Variants in CCSER1 observed in about 807,000 individuals in gnomAD.
CCSER1 encodes coiled-coil serine rich protein 1.
In CCSER1, 41 loss-of-function variants were observed where a neutral mutation model predicts 82.0. The observed-to-expected ratio is 0.50, with a 90% confidence interval of 0.39 to 0.65. The LOEUF (loss-of-function observed/expected upper bound fraction) is 0.65. Ranked by LOEUF, CCSER1 falls within the 30% of genes least tolerant of loss-of-function variation. CCSER1 has a pLI of 0.00. For missense variants in CCSER1, 1,119 were observed against 1,064.2 expected (o/e 1.05, Z -0.72); for synonymous variants, 414 against 383.9 (o/e 1.08, Z -0.92).
chr4:90,216,247 C>A (rs1740999667), intron 1 of CCSER1, among the ~76,000 whole-genome samples: 1 of 152,162 alleles, frequency 6.6e-6, no homozygotes, highest in African/African-American at 2.4e-5. Context: ...CTCTCTACTC[C>A]TGGGTGATTG....
At chr4:91,306,036 A>C (rs904257587) in intron 10 of CCSER1, among the ~76,000 whole-genome samples, 1 of 148,976 alleles carries the variant, frequency 6.7e-6, no homozygotes, top group African/African-American at 2.5e-5. Flanking sequence ...GGGTGGGGAC[A>C]CAACCAAACC....
intron 10 of CCSER1, among the ~76,000 whole-genome samples, chr4:91,180,266 C>A (rs1733870928): frequency 6.6e-6 from 1 of 152,196 alleles, no homozygotes. Context: ...CAGGGACTGA[C>A]TTGAGGAGGC....
At chr4:90,748,967 T>A (rs915750084) in intron 7 of CCSER1, among the ~76,000 whole-genome samples, 15 of 150,100 alleles carry the variant, frequency 1.0e-4, no homozygotes, top group African/African-American at 3.7e-4. Context: ...GTTGCGAAAA[T>A]TTTCTCCCAT....
At chr4:91,100,159 C>T (rs1339986202) in intron 10 of CCSER1, among the ~76,000 whole-genome samples, 1 of 151,236 alleles carries the variant, frequency 6.6e-6, no homozygotes, top group Non-Finnish European at 1.5e-5. Flanking sequence ...GCATGACTCC[C>T]CAGACCCTTT....
At chr4:90,954,844 T>C (rs1733268646) in intron 9 of CCSER1, among the ~76,000 whole-genome samples, 1 of 152,126 alleles carries the variant, frequency 6.6e-6, no homozygotes, top group Admixed American at 6.6e-5. Flanking sequence ...AAACAACTTC[T>C]CTAACTTCTC....
chr4:90,585,591 G>A (rs553128224), intron 5 of CCSER1, among the ~76,000 whole-genome samples: 7 of 152,188 alleles, frequency 4.6e-5, no homozygotes, highest in African/African-American at 1.7e-4. Flanking sequence ...CCTATAACTA[G>A]AATTTGTGAA....
At chr4:90,805,459 G>T (rs1157555281) in intron 7 of CCSER1, among the ~76,000 whole-genome samples, 1 of 152,170 alleles carries the variant, frequency 6.6e-6, no homozygotes, top group East Asian at 1.9e-4. Context: ...CTCAGAAGGA[G>T]CATTATAACT....
rs534336630 is a variant in CCSER1, at chr4:91,507,774, TTC to T, written c.2218-90796_2218-90795del. Reference sequence around the variant, plus strand: ...TTTTAATAAACTTCAATTTATTTTCTTCTTTTATCAAGGATGCTTTTGGTGTC... The same window carrying T: ...TTTTAATAAACTTCAATTTATTTTCTTTTTATCAAGGATGCTTTTGGTGTC... On this transcript the variant is annotated intron_variant, in intron 10 of 10. Transcript: ENST00000509176. Among the ~76,000 whole-genome samples, 17 of 152,046 alleles carry T rather than the reference TTC, an allele frequency of 1.1e-4. 1 individual carries two copies. The South Asian group carries it at 3.5e-3, about 32-fold the overall frequency.
intron 10 of CCSER1, among the ~76,000 whole-genome samples, chr4:91,173,370 G>A (rs780923799): frequency 5.2e-4 from 79 of 152,156 alleles, no homozygotes; most frequent in Non-Finnish European, 9.0e-4. Context: ...CCAGGTGTGC[G>A]GATCACGAGG....
chr4:90,132,242 T>C (rs1722938741), intron 1 of CCSER1, among the ~76,000 whole-genome samples: 1 of 152,366 alleles, frequency 6.6e-6, no homozygotes, highest in South Asian at 2.1e-4. Context: ...GGTTTTGGAC[T>C]ATATGTCACA....
chr4:90,734,374 C>A lies in CCSER1; in HGVS notation c.2010+10383C>A, dbSNP rs552980376. 5.3e-5 allele frequency among the ~76,000 whole-genome samples: 8 copies of A among 152,232 alleles called. No homozygotes were observed. The East Asian group carries it at 1.5e-3, about 29-fold the overall frequency. Reference sequence around the variant, plus strand: ...TCTCCTGACCTCGTGATCTGCCCGCCTTGGCCTCCCTAATCTGTAGATTTC... The same window carrying A: ...TCTCCTGACCTCGTGATCTGCCCGCATTGGCCTCCCTAATCTGTAGATTTC... On this transcript the variant is annotated intron_variant, in intron 7 of 10. Transcript: ENST00000509176.
chr4:90,399,469 A>T (rs957237547), intron 3 of CCSER1, among the ~76,000 whole-genome samples: 4 of 152,130 alleles, frequency 2.6e-5, no homozygotes, highest in African/African-American at 9.6e-5. Flanking sequence ...GGTCTAAATT[A>T]ATATTTCACA....
chr4:91,517,785 T>TGTG (rs202065729), intron 10 of CCSER1, among the ~76,000 whole-genome samples: 6 of 81,486 alleles, frequency 7.4e-5, no homozygotes, highest in Non-Finnish European at 8.7e-5. Flanking sequence ...TGTGTGTGTG[T>TGTG]TTAACTTTGA....
At chr4:90,918,636 G>GATAT (rs1289158974) in intron 8 of CCSER1, among the ~76,000 whole-genome samples, 2,167 of 150,248 alleles carry the variant, frequency 0.014, 50 homozygotes, top group African/African-American at 0.05. Flanking sequence ...TCATTCAAGA[G>GATAT]AGATATATAT....
intron 5 of CCSER1, among the ~76,000 whole-genome samples, chr4:90,624,438 C>G (rs1020739578): frequency 1.3e-5 from 2 of 152,108 alleles, no homozygotes; most frequent in African/African-American, 4.8e-5. Flanking sequence ...CTTTCTCTCT[C>G]AGGTAAGGAA....
intron 10 of CCSER1, among the ~76,000 whole-genome samples, chr4:91,308,014 C>G (rs1240842374): frequency 6.6e-6 from 1 of 151,920 alleles, no homozygotes; most frequent in Non-Finnish European, 1.5e-5. Context: ...GTTAAACACT[C>G]TACTTGTAGA....
intron 6 of CCSER1, among the ~76,000 whole-genome samples, chr4:90,704,186 C>T (rs1738799370): frequency 6.6e-6 from 1 of 152,208 alleles, no homozygotes; most frequent in Non-Finnish European, 1.5e-5. Flanking sequence ...CAAAATCTCT[C>T]AGCATTTGCT....
chr4:90,790,313 G>C (rs1580478643), intron 7 of CCSER1, among the ~76,000 whole-genome samples: 1 of 151,904 alleles, frequency 6.6e-6, no homozygotes, highest in African/African-American at 2.4e-5. Context: ...ATTTATTATT[G>C]ATATACCATA....
chr4:91,175,129 A>G (rs1420907155), intron 10 of CCSER1, among the ~76,000 whole-genome samples: 21 of 152,078 alleles, frequency 1.4e-4, no homozygotes, highest in Admixed American at 1.4e-3. Flanking sequence ...AGCTTCATCC[A>G]TGTCCCTATA....
Sources: allele counts gnomAD v4.1 joint callset (sites outside exome capture counted in the v4.1 genomes callset), GRCh38; gene constraint gnomAD v4.1.1; transcripts MANE v1.5; gene names NCBI Gene and HGNC (gene_info 2026-07-23, HGNC 2026-07-21).